WWP2: variants seen among roughly 807,000 people sequenced by gnomAD.
The protein encoded by WWP2 is WW domain containing E3 ubiquitin protein ligase 2.
A neutral mutation model predicts 121.0 loss-of-function variants in WWP2; 57 were observed. The observed-to-expected ratio is 0.47, with a 90% CI of 0.38 to 0.59. The LOEUF (loss-of-function observed/expected upper bound fraction) is 0.59. Among genes scored for constraint, WWP2 ranks in the 20% least tolerant of loss-of-function variants. WWP2 has a pLI of 0.00. For synonymous variants in WWP2, 449 were observed against 441.3 expected, an observed-to-expected ratio of 1.02 and a Z score of -0.22; for missense variants, 962 against 1,158.9, an observed-to-expected ratio of 0.83 and a Z score of 2.47.
chr16:69,826,711 C>T (rs1016776817), intron 4 of WWP2, among the ~76,000 whole-genome samples: 6 of 110,940 alleles, frequency 5.4e-5, no homozygotes, highest in Non-Finnish European at 9.3e-5. Flanking sequence ...AACCCTCTCT[C>T]TAATAAAAAT....
At chr16:69,803,004 G>A (rs1013819228) in intron 4 of WWP2, among the ~76,000 whole-genome samples, 1 of 151,664 alleles carries the variant, frequency 6.6e-6, no homozygotes, top group African/African-American at 2.4e-5. Flanking sequence ...ATACTTATGA[G>A]ACCTGTACAA....
At chr16:69,897,399 G>A (rs994181951) in intron 8 of WWP2, among the ~76,000 whole-genome samples, 14 of 152,008 alleles carry the variant, frequency 9.2e-5, no homozygotes, top group Non-Finnish European at 1.6e-4. Context: ...CACTGTGCCC[G>A]GCACCTGAGG....
intron 8 of WWP2, among the ~76,000 whole-genome samples, chr16:69,897,233 C>G (rs935845112): frequency 1.3e-5 from 2 of 151,960 alleles, no homozygotes; most frequent in Non-Finnish European, 2.9e-5. Context: ...CTCTCGAGTA[C>G]CTGAGACCAC....
chr16:69,833,890 T>C (rs1445894354), intron 4 of WWP2, among the ~76,000 whole-genome samples: 1 of 152,208 alleles, frequency 6.6e-6, no homozygotes, highest in African/African-American at 2.4e-5. Context: ...GCTGATGTGC[T>C]CGGTGGGGAG....
chr16:69,807,414 AT>A (rs1353788048), intron 4 of WWP2, among the ~76,000 whole-genome samples: 1 of 151,652 alleles, frequency 6.6e-6, no homozygotes, highest in Non-Finnish European at 1.5e-5. Context: ...TGGATATTGA[AT>A]TTTTTTTCTT....
chr16:69,888,806 G>A (rs1163268133), intron 8 of WWP2, among the ~76,000 whole-genome samples: 3 of 152,054 alleles, frequency 2.0e-5, no homozygotes, highest in South Asian at 2.1e-4. Flanking sequence ...CTGGGTTCAA[G>A]TGATTCTCCT....
intron 1 of WWP2, among the ~76,000 whole-genome samples, chr16:69,763,379 C>T (rs2038659903): frequency 6.6e-6 from 1 of 152,190 alleles, no homozygotes; most frequent in African/African-American, 2.4e-5. Context: ...TGTGTTAAAG[C>T]CTGTTCATCT....
intron 2 of WWP2, among the ~76,000 whole-genome samples, chr16:69,794,443 C>T (rs551780373): frequency 5.9e-5 from 9 of 152,112 alleles, no homozygotes; most frequent in South Asian, 2.1e-4. Context: ...GTGGGAAGAT[C>T]GCTTGAGCCC....
At chr16:69,924,711 C>G (rs1206809648) in intron 10 of WWP2, among the ~76,000 whole-genome samples, 1 of 148,988 alleles carries the variant, frequency 6.7e-6, no homozygotes, top group Non-Finnish European at 1.5e-5. Flanking sequence ...CCCACCCCCC[C>G]CACCCCCACC....
intron 1 of WWP2, among the ~76,000 whole-genome samples, chr16:69,768,222 C>A (rs1248963341): frequency 6.6e-6 from 1 of 152,122 alleles, no homozygotes; most frequent in African/African-American, 2.4e-5. Flanking sequence ...TAACCAAAAT[C>A]TTTTTAGAAG....
intron 5 of WWP2, 27 bp from the exon 6 acceptor site, chr16:69,841,997 C>T: frequency 6.2e-7 from 1 of 1,602,980 alleles, no homozygotes; most frequent in Non-Finnish European, 8.5e-7. Flanking sequence ...ATGCTTCTGT[C>T]TTTTCTTGTG....
At chr16:69,913,388 G>A (rs557240653) in intron 9 of WWP2, among the ~76,000 whole-genome samples, 2 of 152,046 alleles carry the variant, frequency 1.3e-5, no homozygotes, top group East Asian at 3.9e-4. Context: ...TGTGTTCCCA[G>A]CTACTTGGGA....
At chr16:69,831,216 A>G (rs1330260290) in intron 4 of WWP2, among the ~76,000 whole-genome samples, 2 of 152,182 alleles carry the variant, frequency 1.3e-5, no homozygotes, top group African/African-American at 4.8e-5. Flanking sequence ...TCAAATTTCC[A>G]GGTAAATCCT....
At chr16:69,879,669 C>T (rs757346508) in intron 7 of WWP2, among the ~76,000 whole-genome samples, 7 of 152,098 alleles carry the variant, frequency 4.6e-5, no homozygotes, top group African/African-American at 7.2e-5. Context: ...TGGAATAATG[C>T]GGGTGAGAAC....
At chr16:69,815,919 G>A (rs1004034800) in intron 4 of WWP2, among the ~76,000 whole-genome samples, 1 of 152,044 alleles carries the variant, frequency 6.6e-6, no homozygotes, top group Non-Finnish European at 1.5e-5. Context: ...CACCATACCA[G>A]GCTAATTTTT....
chr16:69,796,144 A>G (rs937727530), intron 2 of WWP2, among the ~76,000 whole-genome samples: 1 of 152,034 alleles, frequency 6.6e-6, no homozygotes, highest in African/African-American at 2.4e-5. Context: ...GCTATTGGTT[A>G]TGTTAAAAAA....
In WWP2 at chr16:69,939,377, T is replaced by A. The variant is rs2058846193; in HGVS notation, c.2477T>A (p.Val826Asp). The change falls in exon 23 of 24, where the codon GTT becomes GAT. Residue 826 changes from valine to aspartate, a missense_variant. Coordinates refer to ENST00000359154, the MANE Select transcript of WWP2 (RefSeq NM_001270454.2). The part of the protein sequence containing the change: ...NGPQKFCIDK[V>D]GKETWLPRSH... ...CCACAGAAGTTTTGCATTGACAAAG[T>A]TGGCAAGGAAACCTGGCTGCCCAGA... The A allele has an allele frequency of 6.2e-7, 1 of 1,614,022 alleles. No homozygotes were observed. Among genetic ancestry groups the A allele is most frequent in the African/African-American group, 1.3e-5 (1 of 74,916 alleles).
At chr16:69,922,645 C>T (rs896590010) in intron 10 of WWP2, among the ~76,000 whole-genome samples, 8 of 152,208 alleles carry the variant, frequency 5.3e-5, no homozygotes, top group African/African-American at 1.9e-4. Context: ...CCGGTTGGCT[C>T]ATTGGAGGTG....
intron 6 of WWP2, among the ~76,000 whole-genome samples, chr16:69,870,364 G>A (rs989725052): frequency 2.0e-5 from 3 of 147,064 alleles, no homozygotes; most frequent in Non-Finnish European, 3.0e-5. Flanking sequence ...ACAGTGACGT[G>A]ATCTTGGCTC....
Sources: gnomAD v4.1 joint callset for allele counts (sites outside exome capture counted in the v4.1 genomes callset) on GRCh38, gnomAD v4.1.1 for gene constraint, MANE v1.5 for transcripts, NCBI Gene and HGNC (gene_info 2026-07-23, HGNC 2026-07-21) for gene names.